The following LETM2 variants were observed in gnomAD, a reference collection of about 807,000 sequenced individuals.
LETM2 encodes LETM1 domain-containing protein LETM2, mitochondrial.
A neutral mutation model predicts 59.6 loss-of-function variants in LETM2; 58 were observed. The ratio of observed to expected loss-of-function variants is 0.97; its 90% confidence interval spans 0.79 to 1.21. The LOEUF (loss-of-function observed/expected upper bound fraction) is 1.21, where lower values mean the gene tolerates loss of function less well. LETM2 is among the 50% of genes most tolerant of loss of function. LETM2 has a pLI of 0.00. For missense variants in LETM2, 572 were observed against 575.7 expected (o/e 0.99, Z 0.07); for synonymous variants, 199 against 214.1 (o/e 0.93, Z 0.62).
At chr8:38,385,554 C>T (rs2150404097), upstream of LETM2, among the ~76,000 whole-genome samples, 1 of 152,256 alleles carries the variant, frequency 6.6e-6, no homozygotes, top group South Asian at 2.1e-4. Flanking sequence ...CCACCATGCC[C>T]GGCTAATTTT....
In LETM2 at chr8:38,400,814, A is replaced by G. The variant is rs777585240; in HGVS notation, c.784-39A>G. 20 of 1,561,840 alleles carry G rather than the reference A, an allele frequency of 1.3e-5. No individual in the cohort carries two copies. In the South Asian group the frequency reaches 2.1e-4, roughly 17 times the overall value. On this transcript the variant is annotated intron_variant, in intron 5 of 10. Transcript: ENST00000379957. ...CTATTGGGAAAGTTAAATTAAGTAG[A>G]AAACACATTTTAATTGGCCTTTTTG...
Position 38,394,123 on chromosome 8 carries a change from T to A in LETM2, c.527T>A (p.Phe176Tyr). The A allele has an allele frequency of 1.3e-6, 2 of 1,484,806 alleles. No individual in the cohort carries two copies. Among genetic ancestry groups the A allele is most frequent in the Non-Finnish European group, 1.8e-6 (2 of 1,125,350 alleles). The allele number at this position is 1,484,806 out of a possible 1,614,324, so 92.0% of individuals were successfully genotyped here. Reference protein sequence around the residue: ...RRLLRTCVDFFRLVPFMVFLI... With the variant: ...RRLLRTCVDFYRLVPFMVFLI... ...CTGTTGAGAACTTGTGTTGATTTCTTCCGCCTGGTTCCATTTATGGTGTTC... is the reference window on the plus strand; with the variant it reads ...CTGTTGAGAACTTGTGTTGATTTCTACCGCCTGGTTCCATTTATGGTGTTC... The change falls in exon 4 of 11, where the codon TTC becomes TAC. Residue 176 changes from phenylalanine (F) to tyrosine (Y), a missense_variant. Phe to Tyr is a conservative substitution (Grantham distance 22, BLOSUM62 3). Transcript: ENST00000379957.
At chr8:38,401,197 C>A in intron 6 of LETM2, 144 bp downstream of exon 6, 1 of 675,304 alleles carries the variant, frequency 1.5e-6, no homozygotes, top group Non-Finnish European at 2.5e-6. Flanking sequence ...GCTGCAGTGG[C>A]GCAATCCTGG....
At chr8:38,407,260 G>A in intron 9 of LETM2, 102 bp from the exon 10 acceptor site, 1 of 956,812 alleles carries the variant, frequency 1.0e-6, no homozygotes, top group Non-Finnish European at 1.7e-6. Context: ...GCCAGGATAT[G>A]AGGTAGTTGT....
rs140853557 is a variant in LETM2 at position 38,393,045 on chromosome 8, A to G, written c.501+50A>G. The G allele has an allele frequency of 6.2e-4, 891 of 1,427,764 alleles. 7 individuals are homozygous for G. In the African/African-American group the frequency reaches 0.011, roughly 18 times the overall value. 88.4% of individuals were successfully genotyped at this position (1,427,764 alleles called of 1,614,324 possible). On this transcript the variant is annotated intron_variant, in intron 3 of 10. Transcript: ENST00000379957. ...AGAAAATGTGAAATTAAAATGAACT[A>G]TTTGGGAACTCAACTATTTAAATTC... is the stretch of plus-strand genomic sequence containing the variant.
intron 10 of LETM2, among the ~76,000 whole-genome samples, chr8:38,407,813 C>A (rs774318891): frequency 1.3e-5 from 2 of 152,172 alleles, no homozygotes; most frequent in Non-Finnish European, 2.9e-5. Context: ...ACTTTAATTT[C>A]CAGAGAAATG....
chr8:38,388,027 C>G lies in LETM2; in HGVS notation c.44C>G (p.Thr15Arg). The G allele has an allele frequency of 6.6e-7, 1 of 1,521,570 alleles. No individual in the cohort carries two copies. The highest frequency in any genetic ancestry group is 8.8e-7 in the Non-Finnish European group (1 of 1,134,848). 94.3% of individuals were successfully genotyped at this position (1,521,570 alleles called of 1,614,324 possible). Residue 15 changes from threonine (T) to arginine (R), a missense_variant, in exon 2 of 11, where the codon ACA becomes AGA. Thr to Arg is a moderately conservative substitution (Grantham distance 71, BLOSUM62 -1). Transcript: ENST00000379957. ...AATTCAGTTCTGGCTATTGCTCGAACAAGGTAAGCATTGGAGTTACCCCCC... is the reference window on the plus strand; with the variant it reads ...AATTCAGTTCTGGCTATTGCTCGAAGAAGGTAAGCATTGGAGTTACCCCCC... The part of the protein sequence containing the change: ...SYNSVLAIAR[T>R]RFPSHFVHPT...
intron 1 of LETM2, among the ~76,000 whole-genome samples, 200 bp from the exon 2 acceptor site, chr8:38,387,747 CCGT>C (rs1811885724): frequency 6.6e-6 from 1 of 151,812 alleles, no homozygotes; most frequent in South Asian, 2.1e-4. Flanking sequence ...GAGATCATTA[CCGT>C]TTGTTGGAAT....
intron 2 of LETM2, among the ~76,000 whole-genome samples, chr8:38,389,617 A>G (rs1193646973): frequency 6.6e-6 from 1 of 152,200 alleles, no homozygotes; most frequent in Non-Finnish European, 1.5e-5. Flanking sequence ...TGCTTCAAAA[A>G]TAGTCTGAGG....
At chr8:38,400,139 C>T (rs1051832315) in intron 4 of LETM2, 133 bp from the exon 5 acceptor site, 1 of 629,530 alleles carries the variant, frequency 1.6e-6, no homozygotes, top group Non-Finnish European at 2.6e-6. Flanking sequence ...ACCCATTCAT[C>T]TATGCCTGAG....
rs1251810447 is a variant in LETM2, at chr8:38,409,049, A to G, written c.*775A>G. Reference sequence around the variant, plus strand: ...TTTGTCTTTCACAAATAAGACTATTAGTCATAGGGATTGTGAAAGTCTGAT... The same window carrying G: ...TTTGTCTTTCACAAATAAGACTATTGGTCATAGGGATTGTGAAAGTCTGAT... On this transcript the variant is annotated 3_prime_UTR_variant, in exon 11 of 11. Transcript: ENST00000379957. The G allele has an allele frequency of 6.6e-6, 1 of 152,236 alleles. No individual in the cohort carries two copies. The highest frequency in any genetic ancestry group is 1.5e-5 in the Non-Finnish European group (1 of 68,046). 9.4% of individuals were successfully genotyped at this position (152,236 alleles called of 1,614,324 possible).
intron 2 of LETM2, among the ~76,000 whole-genome samples, chr8:38,389,008 C>T (rs1031203074): frequency 2.6e-5 from 4 of 151,968 alleles, no homozygotes; most frequent in African/African-American, 7.2e-5. Flanking sequence ...TCAGGTAATC[C>T]GCCAGCCTGG....
At position 38,401,154 on chromosome 8, in the gene LETM2, G is replaced by T. The variant is rs1449129650; in HGVS notation, c.984+101G>T. ...TGCAGTATTTTTTGTTTTTGTTTTT[G>T]TTTTTGAGACAAAGTCTTGCTCTGT... On this transcript the variant is annotated intron_variant, in intron 6 of 10. Coordinates refer to ENST00000379957, the MANE Select transcript of LETM2 (RefSeq NM_001286819.2). The T allele has an allele frequency of 7.1e-6, 7 of 985,458 alleles. No individual in the cohort carries two copies. In the African/African-American group the frequency reaches 1.2e-4, roughly 17 times the overall value. 61.0% of individuals were successfully genotyped at this position (985,458 alleles called of 1,614,324 possible). A position where few individuals can be genotyped will look rare whatever the true frequency, so the allele number is the denominator to read the frequency against.
At chr8:38,395,903 A>G (rs543523433) in intron 4 of LETM2, among the ~76,000 whole-genome samples, 1 of 152,164 alleles carries the variant, frequency 6.6e-6, no homozygotes, top group South Asian at 2.1e-4. Context: ...CCTTTATCAG[A>G]TATATATTTT....
At chr8:38,391,199 CAAAA>C (rs1292763551) in intron 2 of LETM2, among the ~76,000 whole-genome samples, 5 of 99,272 alleles carry the variant, frequency 5.0e-5, no homozygotes, top group African/African-American at 1.2e-4. Context: ...AAAAAAAAAA[CAAAA>C]AAAAAAACCA....
chr8:38,391,204 A>C (rs1585974098), intron 2 of LETM2, among the ~76,000 whole-genome samples: 1 of 144,174 alleles, frequency 6.9e-6, no homozygotes, highest in East Asian at 2.0e-4. Context: ...AAAAACAAAA[A>C]AAAAAACCAA....
Position 38,402,633 on chromosome 8 carries a change from C to T in LETM2, c.1093C>T (p.Gln365Ter). Residue 365 changes from glutamine (Q) to a stop codon, truncating the protein, a stop_gained, in exon 7 of 11, where the codon CAG (glutamine) becomes TAG (stop). Transcript: ENST00000379957. LOFTEE classifies it high-confidence loss of function. The stretch of plus-strand genomic sequence containing the variant: ...TCTCACGGAGGAACAACTGCGACAA[C>T]AGCTCACGGAGGCAAGTAGCAGCGC... Reference protein sequence around the residue: ...LGLTEEQLRQQLTEWQDLHLK... With the variant: ...LGLTEEQLRQ 6.2e-7 allele frequency: 1 copy of T among 1,614,108 alleles called. No homozygotes were observed. The highest frequency in any genetic ancestry group is 8.5e-7 in the Non-Finnish European group (1 of 1,179,992).
intron 8 of LETM2, among the ~76,000 whole-genome samples, chr8:38,405,480 C>T: frequency 6.6e-6 from 1 of 152,164 alleles, no homozygotes; most frequent in Admixed American, 6.5e-5. Context: ...AGTCGTTTTA[C>T]ATCTTAATTA....
intron 8 of LETM2, among the ~76,000 whole-genome samples, chr8:38,406,153 T>C (rs1335050734): frequency 6.6e-6 from 1 of 152,192 alleles, no homozygotes; most frequent in Non-Finnish European, 1.5e-5. Flanking sequence ...CCACTCCCAT[T>C]CTTATCGTTA....
Sources: allele counts gnomAD v4.1 joint callset (sites outside exome capture counted in the v4.1 genomes callset), GRCh38; gene constraint gnomAD v4.1.1; transcripts MANE v1.5; gene names NCBI Gene and HGNC (gene_info 2026-07-23, HGNC 2026-07-21).